Variants in PTPRD observed in about 807,000 individuals in gnomAD.
PTPRD encodes the protein protein tyrosine phosphatase receptor type D, also known as receptor-type tyrosine-protein phosphatase delta.
Under a neutral mutation model 214.5 loss-of-function variants are expected in PTPRD, and 34 were observed. The ratio of observed to expected loss-of-function variants is 0.16; its 90% CI spans 0.12 to 0.21. PTPRD has a LOEUF of 0.21. Among genes scored for constraint, PTPRD ranks in the 10% least tolerant of loss-of-function variants. The pLI, the probability that PTPRD is intolerant of heterozygous loss-of-function variation, is 1.00. For missense variants in PTPRD, 2,545 were observed against 2,398.7 expected (o/e 1.06, Z -1.27); for synonymous variants, 1,128 against 845.7 (o/e 1.33, Z -5.79).
chr9:8,903,570 G>A (rs1369806870), intron 11 of PTPRD, among the ~76,000 whole-genome samples: 2 of 152,062 alleles, frequency 1.3e-5, no homozygotes, highest in African/African-American at 4.8e-5. Flanking sequence ...GAATGTTGTT[G>A]CACTGTAAGT....
chr9:9,111,939 C>T (rs1211481981), intron 10 of PTPRD, among the ~76,000 whole-genome samples: 1 of 152,068 alleles, frequency 6.6e-6, no homozygotes, highest in African/African-American at 2.4e-5. Flanking sequence ...TTCTTTCTTT[C>T]TCCTAGGAGA....
At chr9:10,384,949 C>G (rs1027283809) in intron 2 of PTPRD, among the ~76,000 whole-genome samples, 3 of 151,646 alleles carry the variant, frequency 2.0e-5, no homozygotes, top group African/African-American at 7.3e-5. Flanking sequence ...TCATTCTTAG[C>G]CTCAAATATC....
At chr9:10,343,118 C>A (rs1315062608) in intron 2 of PTPRD, among the ~76,000 whole-genome samples, 1 of 151,994 alleles carries the variant, frequency 6.6e-6, no homozygotes, top group East Asian at 1.9e-4. Flanking sequence ...CTAATGCTAT[C>A]CCTCCCCCAG....
chr9:8,386,258 A>C (rs1310395235), intron 37 of PTPRD, among the ~76,000 whole-genome samples: 3 of 152,148 alleles, frequency 2.0e-5, no homozygotes, highest in Admixed American at 1.3e-4. Flanking sequence ...CCCTACTTGG[A>C]ACTGTCCCAT....
intron 5 of PTPRD, among the ~76,000 whole-genome samples, chr9:9,796,427 T>G (rs1026093621): frequency 1.3e-5 from 2 of 151,950 alleles, no homozygotes; most frequent in Non-Finnish European, 2.9e-5. Context: ...CGGGAGGAGG[T>G]TGAAATGATG....
At chr9:9,134,915 A>T (rs2099848582) in intron 10 of PTPRD, among the ~76,000 whole-genome samples, 1 of 152,122 alleles carries the variant, frequency 6.6e-6, no homozygotes, top group African/African-American at 2.4e-5. Context: ...ATCAGTAGTT[A>T]TGTCACAGGA....
chr9:8,528,577 T>C lies in PTPRD; in HGVS notation c.541+14A>G. 1.2e-6 allele frequency: 2 copies of C among 1,611,502 alleles called. No homozygotes were observed. Among genetic ancestry groups the C allele is most frequent in the Non-Finnish European group, 1.7e-6 (2 of 1,178,554 alleles). The stretch of plus-strand genomic sequence containing the variant: ...ATTCTCTAGGAGTTAGTAGAAACAG[T>C]AACAAGACCCTACCTGATCGTAACT... On this transcript the variant is annotated intron_variant, in intron 15 of 45. Transcript: ENST00000381196.
intron 39 of PTPRD, among the ~76,000 whole-genome samples, chr9:8,369,852 G>C (rs559745669): frequency 6.6e-6 from 1 of 151,862 alleles, no homozygotes; most frequent in South Asian, 2.1e-4. Context: ...TTTTATAACT[G>C]ATTCACTGAA....
In PTPRD at chr9:9,662,943, G is replaced by C. The variant is rs181656752; in HGVS notation, c.-287+71590C>G. ...CTTAACAATTTATGAATCTGATACA[G>C]TTTAATGGAGGCATCAGTTGGGCTC... On this transcript the variant is annotated intron_variant, in intron 7 of 45. Transcript: ENST00000381196. 1.0e-3 allele frequency among the ~76,000 whole-genome samples: 152 copies of C among 151,652 alleles called. 1 individual carries two copies. In the Middle Eastern group the frequency reaches 0.041, roughly 41 times the overall value.
Position 10,074,699 on chromosome 9 carries a change from A to T in PTPRD, c.-544-40909T>A, listed in dbSNP as rs560767916. On this transcript the variant is annotated intron_variant, in intron 3 of 45. Transcript: ENST00000381196. ...GTACCAGCTCTGATTTAGAGGAAAGAGTGGGCTCCTGTGAACTTCCTGCAC... is the reference window on the plus strand; with the variant it reads ...GTACCAGCTCTGATTTAGAGGAAAGTGTGGGCTCCTGTGAACTTCCTGCAC... Among the ~76,000 whole-genome samples, 15 of 152,252 alleles carry T rather than the reference A, an allele frequency of 9.9e-5. No individual in the cohort carries two copies. The South Asian group carries it at 2.9e-3, about 29-fold the overall frequency.
intron 14 of PTPRD, among the ~76,000 whole-genome samples, chr9:8,567,800 A>C: frequency 6.6e-6 from 1 of 152,200 alleles, no homozygotes; most frequent in Non-Finnish European, 1.5e-5. Context: ...CAAATAACAT[A>C]TGATGACCAA....
At chr9:8,722,841 A>G (rs1295793665) in intron 12 of PTPRD, among the ~76,000 whole-genome samples, 1 of 152,224 alleles carries the variant, frequency 6.6e-6, no homozygotes, top group African/African-American at 2.4e-5. Flanking sequence ...ACGAGCTAAA[A>G]GCAGACATTT....
rs191027700 is a variant in PTPRD, at chr9:9,960,397, G to A, written c.-471-21787C>T. 3.2e-3 allele frequency among the ~76,000 whole-genome samples: 486 copies of A among 152,174 alleles called. 3 individuals are homozygous for A. Among genetic ancestry groups the A allele is most frequent in the African/African-American group, 0.011 (446 of 41,502 alleles). On this transcript the variant is annotated intron_variant, in intron 4 of 45. Transcript: ENST00000381196. ...CTACTCTATCTCAAGAAAGTGGAGC[G>A]TAACTTTCCACTCCTGCGCTGTGGC...
intron 2 of PTPRD, among the ~76,000 whole-genome samples, chr9:10,359,053 C>G (rs2097330079): frequency 6.6e-6 from 1 of 151,856 alleles, no homozygotes; most frequent in African/African-American, 2.4e-5. Context: ...TATTACAAGT[C>G]TAATACCTAA....
chr9:10,593,437 G>T (rs1054128639), intron 2 of PTPRD, among the ~76,000 whole-genome samples: 3 of 151,968 alleles, frequency 2.0e-5, no homozygotes, highest in African/African-American at 7.2e-5. Context: ...TTAAAAAGGT[G>T]GGAACTCAGT....
intron 11 of PTPRD, among the ~76,000 whole-genome samples, chr9:8,765,499 A>T (rs983537409): frequency 6.6e-6 from 1 of 152,154 alleles, no homozygotes; most frequent in Non-Finnish European, 1.5e-5. Flanking sequence ...CATGTGAATA[A>T]GGTTAGAAGC....
intron 11 of PTPRD, among the ~76,000 whole-genome samples, chr9:8,914,631 T>C (rs1037943184): frequency 2.6e-5 from 4 of 152,156 alleles, no homozygotes; most frequent in African/African-American, 9.7e-5. Flanking sequence ...GCTGAGTCCA[T>C]GTTGAGGGCT....
At chr9:10,210,921 A>G (rs2154341453) in intron 3 of PTPRD, among the ~76,000 whole-genome samples, 1 of 150,128 alleles carries the variant, frequency 6.7e-6, no homozygotes, top group East Asian at 2.0e-4. Flanking sequence ...GATGCTAAAC[A>G]AAGTAAGTCA....
chr9:10,210,838 T>A lies in PTPRD; in HGVS notation c.-545+130125A>T, dbSNP rs866416259. Among the ~76,000 whole-genome samples, 24 of 143,420 alleles carry A rather than the reference T, an allele frequency of 1.7e-4. No homozygotes were observed. In the South Asian group the frequency reaches 5.2e-3, roughly 31 times the overall value. 94.1% of individuals were successfully genotyped at this position (143,420 alleles called of 152,430 possible). ...ATATATATATGTATGTATGTATGTA[T>A]GTATAATCAAACCACTTCTTACTCT... On this transcript the variant is annotated intron_variant, in intron 3 of 45. Coordinates refer to ENST00000381196, the MANE Select transcript of PTPRD (RefSeq NM_002839.4).
Sources: allele counts gnomAD v4.1 joint callset (sites outside exome capture counted in the v4.1 genomes callset), GRCh38; gene constraint gnomAD v4.1.1; transcripts MANE v1.5; gene names NCBI Gene and HGNC (gene_info 2026-07-23, HGNC 2026-07-21).